LOC400499: variants seen among roughly 807,000 people sequenced by gnomAD.
At chr16:11,490,124 G>C in the LOC400499 span, among the ~76,000 whole-genome samples, 6 of 152,190 alleles carry the variant, frequency 3.9e-5, no homozygotes, top group African/African-American at 7.2e-5. Context: ...GCTGGACCCA[G>C]TGGCTCATCC....
the LOC400499 span, among the ~76,000 whole-genome samples, chr16:11,455,044 G>A: frequency 6.6e-6 from 1 of 152,088 alleles, no homozygotes; most frequent in Non-Finnish European, 1.5e-5. Context: ...AAAAAGTTTT[G>A]CAATGCTGCT....
the LOC400499 span, among the ~76,000 whole-genome samples, chr16:11,374,598 TG>T: frequency 6.6e-6 from 1 of 152,238 alleles, no homozygotes; most frequent in Non-Finnish European, 1.5e-5. Context: ...TTTTTGTGAC[TG>T]GCTTATTTCA....
the LOC400499 span, chr16:11,450,626 C>T: frequency 6.5e-7 from 1 of 1,535,898 alleles, no homozygotes; most frequent in African/African-American, 1.4e-5. Context: ...TAGGTGGTAG[C>T]TGCGGTGTAA....
chr16:11,392,692 A>G, the LOC400499 span: 2 of 827,062 alleles, frequency 2.4e-6, no homozygotes, highest in Non-Finnish European at 2.9e-6. Flanking sequence ...CCCTCCCCCG[A>G]CACGGCAGTC....
the LOC400499 span, among the ~76,000 whole-genome samples, chr16:11,438,106 C>A: frequency 6.6e-6 from 1 of 152,092 alleles, no homozygotes; most frequent in East Asian, 1.9e-4. Context: ...GTGCTCCATG[C>A]CCCCCCACAA....
the LOC400499 span, among the ~76,000 whole-genome samples, chr16:11,449,593 C>T: frequency 6.6e-6 from 1 of 152,226 alleles, no homozygotes; most frequent in East Asian, 1.9e-4. Context: ...TGTTGGCCAC[C>T]ATCCCTTGTT....
At chr16:11,437,178 G>A in the LOC400499 span, among the ~76,000 whole-genome samples, 1 of 152,158 alleles carries the variant, frequency 6.6e-6, no homozygotes, top group African/African-American at 2.4e-5. Context: ...GGGATGAAAA[G>A]GTAGAACCCA....
chr16:11,383,496 A>G, the LOC400499 span: 3 of 910,582 alleles, frequency 3.3e-6, no homozygotes, highest in Non-Finnish European at 4.3e-6. Flanking sequence ...ACATCCAAAC[A>G]GGCAGTCTTA....
At chr16:11,425,323 G>A in the LOC400499 span, 1 of 399,258 alleles carries the variant, frequency 2.5e-6, no homozygotes. Flanking sequence ...CTGCTGTTCT[G>A]GGCAAGGACA....
chr16:11,375,712 T>C, the LOC400499 span, among the ~76,000 whole-genome samples: 2 of 151,272 alleles, frequency 1.3e-5, no homozygotes, highest in Non-Finnish European at 2.9e-5. Context: ...TGGAGAAATG[T>C]CTATTCAAGT....
chr16:11,411,182 C>A, the LOC400499 span: 4 of 399,020 alleles, frequency 1.0e-5, no homozygotes, highest in African/African-American at 8.2e-5. Flanking sequence ...GGGGCCTGGC[C>A]CCCTCCTGCC....
the LOC400499 span, chr16:11,402,354 C>A: frequency 1.0e-5 from 4 of 391,110 alleles, no homozygotes; most frequent in Admixed American, 8.9e-5. Context: ...CCACTCGACA[C>A]CCTGCACTGT....
the LOC400499 span, chr16:11,456,925 G>A: frequency 1.0e-5 from 16 of 1,536,126 alleles, no homozygotes; most frequent in African/African-American, 2.7e-5. Flanking sequence ...AACAGCGGCC[G>A]CCCATTGTAC....
the LOC400499 span, among the ~76,000 whole-genome samples, chr16:11,377,260 T>C: frequency 6.6e-6 from 1 of 152,250 alleles, no homozygotes; most frequent in Non-Finnish European, 1.5e-5. Flanking sequence ...CATGCAGTGT[T>C]CAGGATTTTC....
the LOC400499 span, chr16:11,502,195 G>C: frequency 2.5e-6 from 1 of 398,946 alleles, no homozygotes; most frequent in Non-Finnish European, 4.4e-6. Context: ...GATTCAGAGG[G>C]GGCAGCATGA....
the LOC400499 span, among the ~76,000 whole-genome samples, chr16:11,377,608 C>G: frequency 3.9e-4 from 60 of 152,200 alleles, no homozygotes; most frequent in African/African-American, 1.4e-3. Context: ...TGATATCTTA[C>G]ATTGATTTTT....
the LOC400499 span, chr16:11,425,261 C>G: frequency 5.0e-6 from 2 of 398,914 alleles, no homozygotes; most frequent in Non-Finnish European, 8.8e-6. Flanking sequence ...TCAGGTTCCT[C>G]GTCTGGGCCT....
the LOC400499 span, among the ~76,000 whole-genome samples, chr16:11,507,056 C>T: frequency 2.6e-5 from 4 of 152,214 alleles, no homozygotes; most frequent in South Asian, 2.1e-4. Context: ...GCACCGCCAG[C>T]GTCCAAAAGT....
At chr16:11,418,098 T>C in the LOC400499 span, among the ~76,000 whole-genome samples, 1 of 152,064 alleles carries the variant, frequency 6.6e-6, no homozygotes, top group Non-Finnish European at 1.5e-5. Flanking sequence ...AGAGTGGGCC[T>C]GGGGAAGATG....
Sources: allele counts gnomAD v4.1 joint callset (sites outside exome capture counted in the v4.1 genomes callset), GRCh38; gene constraint gnomAD v4.1.1; transcripts MANE v1.5.